The following BORCS5 variants were observed in gnomAD, a reference collection of about 807,000 sequenced individuals.
The protein encoded by BORCS5 is BLOC-1 related complex subunit 5.
A neutral mutation model predicts 22.1 loss-of-function variants in BORCS5; 17 were observed. The ratio of observed to expected loss-of-function variants is 0.77; its 90% confidence interval spans 0.53 to 1.15. The LOEUF (loss-of-function observed/expected upper bound fraction) is 1.15. Among genes scored for constraint, BORCS5 ranks in the 50% most tolerant of loss-of-function variants. The pLI is 0.00. For synonymous variants in BORCS5, 117 were observed against 99.8 expected, an observed-to-expected ratio of 1.17 and a Z score of -1.03; for missense variants, 247 against 253.2, an observed-to-expected ratio of 0.98 and a Z score of 0.17.
intron 1 of BORCS5, among the ~76,000 whole-genome samples, chr12:12,358,071 A>C (rs1259963778): frequency 6.6e-6 from 1 of 152,188 alleles, no homozygotes; most frequent in Non-Finnish European, 1.5e-5. Flanking sequence ...TTCTCTGTCC[A>C]TGATTTTTAG....
chr12:12,363,112 A>C (rs78446545), intron 2 of BORCS5, among the ~76,000 whole-genome samples: 11,853 of 152,048 alleles, frequency 0.078, 534 homozygotes, highest in Non-Finnish European at 0.11. Flanking sequence ...CCTGGGCAAC[A>C]CAATGAGACT....
chr12:12,452,037 C>G (rs1942921158), intron 3 of BORCS5: 4 of 376,902 alleles, frequency 1.1e-5, no homozygotes, highest in Non-Finnish European at 2.1e-5. Context: ...CTGTCCTCCT[C>G]TATTTTTGGT....
chr12:12,399,586 C>CT (rs1941423471), intron 2 of BORCS5, among the ~76,000 whole-genome samples: 1 of 152,168 alleles, frequency 6.6e-6, no homozygotes, highest in South Asian at 2.1e-4. Context: ...CATTGTTAAG[C>CT]TTACAATGTT....
Position 12,388,661 on chromosome 12 carries a change from T to TG in BORCS5, c.202+27319dup, listed in dbSNP as rs576842173. Among the ~76,000 whole-genome samples the TG allele has an allele frequency of 2.1e-5, 3 of 144,388 alleles. No homozygotes were observed. In the South Asian group the frequency reaches 6.7e-4, roughly 32 times the overall value. The allele number at this position is 144,388 out of a possible 152,430, so 94.7% of individuals were successfully genotyped here. On this transcript the variant is annotated intron_variant, in intron 2 of 3. Coordinates refer to ENST00000314565, the MANE Select transcript of BORCS5 (RefSeq NM_058169.6). ...AAGGAAACCAGACTCTTAAGTGGGG[T>TG]GGGGGGGACATATAAGAAAAGGTAA...
At chr12:12,374,588 C>T (rs918863279) in intron 2 of BORCS5, among the ~76,000 whole-genome samples, 24 of 151,768 alleles carry the variant, frequency 1.6e-4, no homozygotes, top group African/African-American at 1.5e-4. Flanking sequence ...GTGTTCATAG[C>T]GCTGTACTCC....
chr12:12,456,518 A>G (rs1943000865), intron 3 of BORCS5, among the ~76,000 whole-genome samples: 1 of 152,240 alleles, frequency 6.6e-6, no homozygotes, highest in African/African-American at 2.4e-5. Context: ...GAAAATTTAT[A>G]TAACAAAAGT....
At chr12:12,373,818 A>G (rs1370318026) in intron 2 of BORCS5, among the ~76,000 whole-genome samples, 3 of 152,146 alleles carry the variant, frequency 2.0e-5, no homozygotes, top group South Asian at 2.1e-4. Flanking sequence ...CATATTAGTA[A>G]CACTGGCCAC....
chr12:12,423,700 G>GT (rs1235646514), intron 2 of BORCS5, among the ~76,000 whole-genome samples: 2 of 151,372 alleles, frequency 1.3e-5, no homozygotes, highest in Non-Finnish European at 2.9e-5. Flanking sequence ...CTTTTTGTTT[G>GT]TTTTTTGAGA....
rs113067528 is a variant in BORCS5 at position 12,470,101 on chromosome 12, C to T, written c.*4325C>T. Among the ~76,000 whole-genome samples the T allele has an allele frequency of 4.4e-3, 670 of 152,180 alleles. 7 individuals are homozygous for T. Among genetic ancestry groups the T allele is most frequent in the African/African-American group, 0.015 (607 of 41,528 alleles). On this transcript the variant is annotated 3_prime_UTR_variant, in exon 4 of 4. Coordinates refer to ENST00000314565, the MANE Select transcript of BORCS5 (RefSeq NM_058169.6). Reference sequence around the variant, plus strand: ...GTTGTTGTTTATTGAGATGGAGTCTCGCTCTGTTGCCCAGGCTGGAGTGCA... The same window carrying T: ...GTTGTTGTTTATTGAGATGGAGTCTTGCTCTGTTGCCCAGGCTGGAGTGCA...
At position 12,435,613 on chromosome 12, in the gene BORCS5, T is replaced by C. The variant is rs757240932; in HGVS notation, c.203-15T>C. 8 of 1,587,670 alleles carry C rather than the reference T, an allele frequency of 5.0e-6. No individual in the cohort carries two copies. In the South Asian group the frequency reaches 6.9e-5, roughly 14 times the overall value. On this transcript the variant is annotated splice_polypyrimidine_tract_variant and intron_variant, in intron 2 of 3. Coordinates refer to ENST00000314565, the MANE Select transcript of BORCS5 (RefSeq NM_058169.6). ...CAGTAATTTTAATTTCATTTCATTT[T>C]TTTCTCCTTTGAAGGGCTATTGAGT...
At position 12,468,359 on chromosome 12, in the gene BORCS5, CTT is replaced by C. The variant is rs1268324791; in HGVS notation, c.*2585_*2586del. 3 of 152,166 alleles carry C rather than the reference CTT, an allele frequency of 2.0e-5. No homozygotes were observed. Among genetic ancestry groups the C allele is most frequent in the Non-Finnish European group, 4.4e-5 (3 of 68,052 alleles). The allele number at this position is 152,166 out of a possible 1,614,324, so 9.4% of individuals were successfully genotyped here. On this transcript the variant is annotated 3_prime_UTR_variant, in exon 4 of 4. Transcript: ENST00000314565. Reference sequence around the variant, plus strand: ...TTCAAGAAGCAGTTATGCTGGATCTCTTTGTTGGTTAATACCCCATGACCTAT... The same window carrying C: ...TTCAAGAAGCAGTTATGCTGGATCTCTGTTGGTTAATACCCCATGACCTAT...
chr12:12,384,141 G>A (rs1182638987), intron 2 of BORCS5, among the ~76,000 whole-genome samples: 1 of 151,728 alleles, frequency 6.6e-6, no homozygotes, highest in Non-Finnish European at 1.5e-5. Flanking sequence ...TTTTATGTAT[G>A]TATGTATTTG....
chr12:12,365,691 A>G (rs996578021), intron 2 of BORCS5, among the ~76,000 whole-genome samples: 1 of 152,136 alleles, frequency 6.6e-6, no homozygotes, highest in African/African-American at 2.4e-5. Context: ...AAGATAGGCA[A>G]AGGGGGTGGA....
intron 3 of BORCS5, among the ~76,000 whole-genome samples, chr12:12,450,988 A>G (rs988668354): frequency 6.6e-6 from 1 of 152,212 alleles, no homozygotes; most frequent in African/African-American, 2.4e-5. Context: ...ACTGGGTTCT[A>G]TCTACCAAAT....
intron 3 of BORCS5, among the ~76,000 whole-genome samples, chr12:12,448,562 G>A (rs1164633074): frequency 3.0e-5 from 4 of 134,960 alleles, no homozygotes; most frequent in Admixed American, 1.6e-4. Flanking sequence ...ACAGATTTTC[G>A]CTCTTTCGCC....
At chr12:12,365,576 AC>A (rs970103727) in intron 2 of BORCS5, among the ~76,000 whole-genome samples, 72 of 151,758 alleles carry the variant, frequency 4.7e-4, no homozygotes, top group African/African-American at 1.6e-3. Context: ...AGAAATGACA[AC>A]ATGTGGCTGT....
intron 2 of BORCS5, among the ~76,000 whole-genome samples, chr12:12,408,529 T>C (rs1941643400): frequency 6.6e-6 from 1 of 152,194 alleles, no homozygotes; most frequent in African/African-American, 2.4e-5. Context: ...AACCTGAAAC[T>C]CTATATCCGT....
intron 2 of BORCS5, among the ~76,000 whole-genome samples, chr12:12,431,679 C>T (rs1241033204): frequency 2.0e-5 from 3 of 151,976 alleles, no homozygotes; most frequent in Non-Finnish European, 4.4e-5. Context: ...GGATTACAGG[C>T]GTGAGCCACT....
chr12:12,444,859 G>A (rs1333389474), intron 3 of BORCS5, among the ~76,000 whole-genome samples: 2 of 152,024 alleles, frequency 1.3e-5, no homozygotes, highest in Non-Finnish European at 2.9e-5. Flanking sequence ...CAATATTTTG[G>A]CTTCCCAGCC....
Sources: allele counts gnomAD v4.1 joint callset (sites outside exome capture counted in the v4.1 genomes callset), GRCh38; gene constraint gnomAD v4.1.1; transcripts MANE v1.5; gene names NCBI Gene and HGNC (gene_info 2026-07-23, HGNC 2026-07-21).